Variants in SCML4 observed in about 807,000 individuals in gnomAD.
SCML4 encodes the protein Scm polycomb group protein like 4.
Under a neutral mutation model 41.1 loss-of-function variants are expected in SCML4, and 34 were observed. That is an observed-to-expected ratio of 0.83 (90% confidence interval 0.63 to 1.10). SCML4 has a LOEUF of 1.10. Ranked by LOEUF, SCML4 falls within the 50% of genes least tolerant of loss-of-function variation. The probability of loss-of-function intolerance (pLI) is 0.00; values close to 1 mark genes in which losing one functional copy is unlikely to be tolerated. For missense variants in SCML4, 522 were observed against 534.1 expected, an observed-to-expected ratio of 0.98 and a Z score of 0.22; for synonymous variants, 214 against 220.9, an observed-to-expected ratio of 0.97 and a Z score of 0.28.
At position 107,720,886 on chromosome 6, in the gene SCML4, A is replaced by AG. The variant is rs770867828; in HGVS notation, c.789dup (p.Ser264LeufsTer30). On this transcript the variant is annotated frameshift_variant, in exon 6 of 8. Transcript: ENST00000369020. LOFTEE classifies it high-confidence loss of function. ...TGCCTCTTGCAGTACAGCGAGGAGG[A>AG]GGGGTGCAAGGAGCCCCTGTGGTTA... 6.8e-6 allele frequency: 11 copies of AG among 1,613,960 alleles called. No individual in the cohort carries two copies.
chr6:107,790,762 T>C (rs1055768495), intron 1 of SCML4, among the ~76,000 whole-genome samples: 4 of 151,880 alleles, frequency 2.6e-5, no homozygotes, highest in African/African-American at 9.7e-5. Flanking sequence ...AACCAACAAG[T>C]CCCACAAAGG....
At chr6:107,791,855 G>A (rs1183709162) in intron 1 of SCML4, among the ~76,000 whole-genome samples, 1 of 152,202 alleles carries the variant, frequency 6.6e-6, no homozygotes, top group Non-Finnish European at 1.5e-5. Context: ...AGCTACTCAG[G>A]AGGCTGAGGC....
intron 1 of SCML4, among the ~76,000 whole-genome samples, chr6:107,794,205 T>G (rs1316114890): frequency 2.0e-5 from 3 of 152,226 alleles, no homozygotes; most frequent in Admixed American, 2.0e-4. Context: ...AATAGATGCT[T>G]ATTGAATTGG....
intron 1 of SCML4, among the ~76,000 whole-genome samples, chr6:107,804,036 G>T (rs953244584): frequency 1.5e-4 from 17 of 113,714 alleles, no homozygotes; most frequent in African/African-American, 5.7e-4. Context: ...AAACACCCAA[G>T]AATGATCAAT....
At chr6:107,788,724 A>AG (rs11374512) in intron 1 of SCML4, among the ~76,000 whole-genome samples, 99,689 of 151,878 alleles carry the variant, frequency 0.66, 32,999 homozygotes, top group East Asian at 0.78. Flanking sequence ...GAGGAAGGCT[A>AG]GGGTACTGGT....
At chr6:107,805,403 T>C (rs1249874388) in intron 1 of SCML4, among the ~76,000 whole-genome samples, 2 of 152,250 alleles carry the variant, frequency 1.3e-5, no homozygotes, top group East Asian at 3.8e-4. Context: ...ATATCATCTT[T>C]TTTAGTGGCA....
rs1773479445 is a variant in SCML4, at chr6:107,705,191, T to C, written c.*9A>G. On this transcript the variant is annotated 3_prime_UTR_variant, in exon 8 of 8. Coordinates refer to ENST00000369020, the MANE Select transcript of SCML4 (RefSeq NM_198081.5). ...TGTTTTGGGTTTCGCTTCTGTCTTTTTAAAAAAGTCAGAACTTGGCTTGCT... is the reference window on the plus strand; with the variant it reads ...TGTTTTGGGTTTCGCTTCTGTCTTTCTAAAAAAGTCAGAACTTGGCTTGCT... 1.3e-6 allele frequency: 2 copies of C among 1,551,384 alleles called. No individual in the cohort carries two copies. Among genetic ancestry groups the C allele is most frequent in the South Asian group, 2.4e-5 (2 of 84,056 alleles).
intron 1 of SCML4, among the ~76,000 whole-genome samples, chr6:107,800,198 C>T (rs1476382240): frequency 6.6e-6 from 1 of 152,162 alleles, no homozygotes; most frequent in Non-Finnish European, 1.5e-5. Flanking sequence ...CCATGGGTAA[C>T]ATTTTCCGCC....
chr6:107,766,665 A>G (rs959540201), intron 2 of SCML4, among the ~76,000 whole-genome samples: 4 of 152,194 alleles, frequency 2.6e-5, no homozygotes, highest in Non-Finnish European at 5.9e-5. Flanking sequence ...CCAGCCTACC[A>G]CTGCCTCAGA....
At chr6:107,745,405 A>C in intron 4 of SCML4, 1 of 419,466 alleles carries the variant, frequency 2.4e-6, no homozygotes, top group Non-Finnish European at 4.3e-6. Context: ...CATCACTCTA[A>C]TAGCTTTGAA....
chr6:107,796,165 T>C (rs1278389962), intron 1 of SCML4, among the ~76,000 whole-genome samples: 2 of 152,084 alleles, frequency 1.3e-5, no homozygotes, highest in Non-Finnish European at 2.9e-5. Context: ...TGTGGACATA[T>C]GTTTTTATTT....
At chr6:107,755,946 C>T (rs916236324) in intron 2 of SCML4, among the ~76,000 whole-genome samples, 9 of 152,120 alleles carry the variant, frequency 5.9e-5, no homozygotes, top group Admixed American at 1.3e-4. Context: ...TGGCCAAATT[C>T]GGACCAAGAG....
intron 7 of SCML4, among the ~76,000 whole-genome samples, chr6:107,705,570 C>T (rs1214437454): frequency 1.3e-5 from 2 of 152,168 alleles, no homozygotes; most frequent in Non-Finnish European, 2.9e-5. Context: ...CCTGCCCTCC[C>T]CTCATAGAAG....
chr6:107,837,644 C>A, the SCML4 span, among the ~76,000 whole-genome samples: 1 of 152,140 alleles, frequency 6.6e-6, no homozygotes, highest in Admixed American at 6.5e-5. Context: ...GATATCCCAT[C>A]CCTCAGGGAT....
At chr6:107,778,987 T>C (rs1035257192) in intron 1 of SCML4, among the ~76,000 whole-genome samples, 22 of 152,028 alleles carry the variant, frequency 1.4e-4, no homozygotes, top group Non-Finnish European at 2.4e-4. Context: ...AAGACCATCC[T>C]GGCTAACACC....
intron 6 of SCML4, among the ~76,000 whole-genome samples, chr6:107,716,020 AGCAG>A (rs1774752293): frequency 6.6e-6 from 1 of 152,192 alleles, no homozygotes; most frequent in African/African-American, 2.4e-5. Flanking sequence ...GGGGACCCAC[AGCAG>A]GCACTAGGCT....
chr6:107,793,491 G>A (rs1782493071), intron 1 of SCML4, among the ~76,000 whole-genome samples: 1 of 152,210 alleles, frequency 6.6e-6, no homozygotes, highest in Admixed American at 6.5e-5. Flanking sequence ...CATTCTCACT[G>A]TTCTAGAAGT....
intron 5 of SCML4, among the ~76,000 whole-genome samples, chr6:107,724,824 T>C (rs1775792503): frequency 6.6e-6 from 1 of 152,188 alleles, no homozygotes; most frequent in African/African-American, 2.4e-5. Flanking sequence ...GCCAAAGCCA[T>C]CATGAAAACC....
intron 1 of SCML4, among the ~76,000 whole-genome samples, chr6:107,813,915 G>A (rs1784385582): frequency 6.6e-6 from 1 of 152,158 alleles, no homozygotes; most frequent in South Asian, 2.1e-4. Context: ...CTTTCTCTCT[G>A]TGTCTCTTCC....
Sources: gnomAD v4.1 joint callset for allele counts (sites outside exome capture counted in the v4.1 genomes callset) on GRCh38, gnomAD v4.1.1 for gene constraint, MANE v1.5 for transcripts, NCBI Gene and HGNC (gene_info 2026-07-23, HGNC 2026-07-21) for gene names.